Variants in CUX1 observed in about 807,000 individuals in gnomAD.
The protein encoded by CUX1 is cut like homeobox 1.
CUX1 carries 31 observed loss-of-function variants against 158.8 expected under a neutral mutation model. The ratio of observed to expected loss-of-function variants is 0.20; its 90% CI spans 0.15 to 0.26. The LOEUF (loss-of-function observed/expected upper bound fraction) is 0.26. CUX1 is among the 10% of genes least tolerant of loss of function. CUX1 has a pLI of 1.00. For synonymous variants in CUX1, 879 were observed against 862.1 expected (o/e 1.02, Z -0.34); for missense variants, 1,589 against 2,014.6 (o/e 0.79, Z 4.04).
intron 1 of CUX1, among the ~76,000 whole-genome samples, chr7:101,836,307 C>T (rs79460432): frequency 5.9e-5 from 9 of 152,198 alleles, no homozygotes; most frequent in East Asian, 3.9e-4. Context: ...TGCTCCCCTG[C>T]GAACCACTGC....
intron 2 of CUX1, among the ~76,000 whole-genome samples, chr7:102,026,697 G>A (rs1563147462): frequency 6.6e-6 from 1 of 151,846 alleles, no homozygotes. Context: ...GTGGGCACCT[G>A]TAGTCCCAGC....
chr7:101,940,518 T>C (rs1201702413), intron 2 of CUX1, among the ~76,000 whole-genome samples: 3 of 152,278 alleles, frequency 2.0e-5, no homozygotes, highest in East Asian at 1.9e-4. Context: ...CTTCGATCTC[T>C]GAATTAAAGA....
intron 3 of CUX1, among the ~76,000 whole-genome samples, chr7:102,055,528 T>C (rs943674043): frequency 7.9e-5 from 12 of 152,196 alleles, no homozygotes; most frequent in Admixed American, 7.9e-4. Flanking sequence ...TCATAATTGT[T>C]TGGGGACACC....
chr7:102,049,987 G>A (rs987925429), intron 3 of CUX1, among the ~76,000 whole-genome samples: 17 of 152,180 alleles, frequency 1.1e-4, no homozygotes, highest in East Asian at 3.8e-4. Flanking sequence ...CATTCCTGCC[G>A]TCCCTACTGA....
intron 5 of CUX1, among the ~76,000 whole-genome samples, chr7:102,102,917 G>T (rs1457094478): frequency 1.3e-5 from 2 of 150,942 alleles, no homozygotes; most frequent in Non-Finnish European, 1.5e-5. Flanking sequence ...TCCAGCATGC[G>T]GAGTGGCATA....
intron 22 of CUX1, chr7:102,282,990 C>T (rs782335750): frequency 3.2e-5 from 51 of 1,587,034 alleles, no homozygotes; most frequent in South Asian, 5.5e-5. Context: ...CACACACACT[C>T]GGCCTCAGCA....
Position 101,922,827 on chromosome 7 carries a change from G to C in CUX1, c.141+6602G>C, listed in dbSNP as rs1182329542. Among the ~76,000 whole-genome samples, 3 of 152,232 alleles carry C rather than the reference G, an allele frequency of 2.0e-5. No individual in the cohort carries two copies. In the East Asian group the frequency reaches 5.8e-4, roughly 29 times the overall value. On this transcript the variant is annotated intron_variant, in intron 2 of 23. Coordinates refer to ENST00000292535, the MANE Select transcript of CUX1 (RefSeq NM_181552.4). Reference sequence around the variant, plus strand: ...ATGTGACAAGGGGCTCCACGGGCTGGCAGCAGGGGCAGCACCTCTGCACTG... The same window carrying C: ...ATGTGACAAGGGGCTCCACGGGCTGCCAGCAGGGGCAGCACCTCTGCACTG...
chr7:101,939,602 C>A (rs145908026), intron 2 of CUX1, among the ~76,000 whole-genome samples: 5 of 152,066 alleles, frequency 3.3e-5, no homozygotes, highest in African/African-American at 1.2e-4. Flanking sequence ...GAGGCTGAGG[C>A]GGGTGGATCG....
chr7:101,931,117 C>T (rs1806240075), intron 2 of CUX1, among the ~76,000 whole-genome samples: 1 of 152,276 alleles, frequency 6.6e-6, no homozygotes, highest in African/African-American at 2.4e-5. Context: ...GAGAGCCACA[C>T]ATTTTGCAAC....
At chr7:102,200,998 G>T (rs1325070780) in intron 17 of CUX1, among the ~76,000 whole-genome samples, 1 of 122,904 alleles carries the variant, frequency 8.1e-6, no homozygotes, top group East Asian at 2.5e-4. Flanking sequence ...CTGCGCTCCA[G>T]CCTGGACAAC....
chr7:102,001,640 G>A (rs574124889), intron 2 of CUX1, among the ~76,000 whole-genome samples: 8 of 152,314 alleles, frequency 5.3e-5, no homozygotes, highest in East Asian at 3.9e-4. Context: ...CACCGCGCCC[G>A]GCCCCGTTTG....
chr7:102,139,737 A>G (rs958240278), intron 8 of CUX1, among the ~76,000 whole-genome samples: 12 of 152,070 alleles, frequency 7.9e-5, no homozygotes, highest in African/African-American at 2.9e-4. Context: ...CTGCAGCCTC[A>G]AACTCCTGGG....
At chr7:101,968,454 G>A (rs1317498261) in intron 2 of CUX1, among the ~76,000 whole-genome samples, 1 of 151,628 alleles carries the variant, frequency 6.6e-6, no homozygotes, top group Non-Finnish European at 1.5e-5. Flanking sequence ...ACGTGGTCTC[G>A]CCCTGTTGCC....
At chr7:102,012,952 G>A (rs547291905) in intron 2 of CUX1, among the ~76,000 whole-genome samples, 42 of 152,128 alleles carry the variant, frequency 2.8e-4, no homozygotes, top group Non-Finnish European at 5.6e-4. Context: ...CCAAATGTGT[G>A]ATAAGAAACA....
In CUX1 at chr7:102,256,660, G is replaced by A; in HGVS notation, c.*7618G>A. 3 of 985,454 alleles carry A rather than the reference G, an allele frequency of 3.0e-6. No individual in the cohort carries two copies. The highest frequency in any genetic ancestry group is 3.6e-6 in the Non-Finnish European group (3 of 829,936). The allele number at this position is 985,454 out of a possible 1,614,324, so 61.0% of individuals were successfully genotyped here. A position where few individuals can be genotyped will look rare whatever the true frequency, so the allele number is the denominator to read the frequency against. Reference sequence around the variant, plus strand: ...TGAGGGAGTTGCTGAGTTGAAGAATGCTCGCTTGAGGAGCTTCAGAGGAAT... The same window carrying A: ...TGAGGGAGTTGCTGAGTTGAAGAATACTCGCTTGAGGAGCTTCAGAGGAAT... On this transcript the variant is annotated 3_prime_UTR_variant, in exon 24 of 24. Coordinates refer to ENST00000292535, the MANE Select transcript of CUX1 (RefSeq NM_181552.4).
At chr7:101,870,657 T>C (rs1332318520) in intron 1 of CUX1, among the ~76,000 whole-genome samples, 1 of 152,120 alleles carries the variant, frequency 6.6e-6, no homozygotes, top group Admixed American at 6.6e-5. Context: ...ACCTCAAGAG[T>C]CTGAATTTAC....
Position 102,250,932 on chromosome 7 carries a change from A to G in CUX1, c.*1890A>G. The G allele has an allele frequency of 1.0e-6, 1 of 980,118 alleles. No homozygotes were observed. Among genetic ancestry groups the G allele is most frequent in the Non-Finnish European group, 1.2e-6 (1 of 825,198 alleles). 60.7% of individuals were successfully genotyped at this position (980,118 alleles called of 1,614,324 possible). A position where few individuals can be genotyped will look rare whatever the true frequency, so the allele number is the denominator to read the frequency against. On this transcript the variant is annotated 3_prime_UTR_variant, in exon 24 of 24. Transcript: ENST00000292535. ...TGCTAATTTAGACTTCTTTATTGCC[A>G]TATCTTTAAACTAACAATAGATGAT...
intron 11 of CUX1, among the ~76,000 whole-genome samples, chr7:102,188,337 G>A (rs1408389190): frequency 5.3e-5 from 8 of 152,224 alleles, no homozygotes; most frequent in East Asian, 1.9e-4. Flanking sequence ...TCCCGGCACC[G>A]CCCCTCCATA....
intron 2 of CUX1, among the ~76,000 whole-genome samples, chr7:101,958,220 C>T (rs1327226954): frequency 1.3e-5 from 2 of 152,122 alleles, no homozygotes; most frequent in African/African-American, 4.8e-5. Context: ...AAGGGGCACA[C>T]AGGTAACAGA....
Sources: allele counts gnomAD v4.1 joint callset (sites outside exome capture counted in the v4.1 genomes callset), GRCh38; gene constraint gnomAD v4.1.1; transcripts MANE v1.5; gene names NCBI Gene and HGNC (gene_info 2026-07-23, HGNC 2026-07-21).